Variants in CYFIP1 observed in about 807,000 individuals in gnomAD.
CYFIP1 encodes the protein cytoplasmic FMR1 interacting protein 1.
In CYFIP1, 58 loss-of-function variants were observed where a neutral mutation model predicts 163.5. The observed-to-expected ratio is 0.35, with a 90% CI of 0.29 to 0.44. CYFIP1 has a LOEUF of 0.44. CYFIP1 is among the 20% of genes least tolerant of loss of function. The pLI, the probability that CYFIP1 is intolerant of heterozygous loss-of-function variation, is 1.00. For missense variants in CYFIP1, 1,338 were observed against 1,653.8 expected, an observed-to-expected ratio of 0.81 and a Z score of 3.31; for synonymous variants, 663 against 660.7, an observed-to-expected ratio of 1.00 and a Z score of -0.05.
At chr15:22,910,303 A>G (rs1300765995) in intron 20 of CYFIP1, among the ~76,000 whole-genome samples, 1 of 152,118 alleles carries the variant, frequency 6.6e-6, no homozygotes, top group Non-Finnish European at 1.5e-5. Context: ...CTGGGACTAC[A>G]GGAACCCACC....
chr15:22,869,845 C>A lies in CYFIP1; in HGVS notation c.*183G>T, dbSNP rs1208192613. The A allele has an allele frequency of 4.1e-6, 2 of 484,920 alleles. No homozygotes were observed. Among genetic ancestry groups the A allele is most frequent in the Non-Finnish European group, 6.7e-6 (2 of 296,926 alleles). 30.0% of individuals were successfully genotyped at this position (484,920 alleles called of 1,614,324 possible). On this transcript the variant is annotated 3_prime_UTR_variant, in exon 31 of 31. Transcript: ENST00000617928. ...CAATATTCTCAAGAGTTCCTAATTA[C>A]CAAAAGCATATACAATTTTAGTCTA...
chr15:22,883,139 T>G (rs1448666515), intron 23 of CYFIP1, 128 bp from the exon 24 acceptor site: 1 of 1,080,876 alleles, frequency 9.3e-7, no homozygotes, highest in Non-Finnish European at 1.3e-6. Context: ...ACTTGTAAAA[T>G]CTACTGCCCT....
chr15:22,944,471 G>C, intron 5 of CYFIP1, 87 bp downstream of exon 5: 1 of 860,598 alleles, frequency 1.2e-6, no homozygotes, highest in Non-Finnish European at 1.9e-6. Context: ...CTCTGTTCAG[G>C]GTGTTCACAG....
In CYFIP1 at chr15:22,918,417, G is replaced by A. The variant is rs911897472; in HGVS notation, c.1526+275C>T. ...TGCAGAGACCCCCATAAGGCACCAT[G>A]CATGAACCACAGGCACCGCGAGCCT... On this transcript the variant is annotated intron_variant, in intron 14 of 30. Coordinates refer to ENST00000617928, the MANE Select transcript of CYFIP1 (RefSeq NM_014608.6). 8.5e-5 allele frequency among the ~76,000 whole-genome samples: 13 copies of A among 152,122 alleles called. No homozygotes were observed. The South Asian group carries it at 1.2e-3, about 15-fold the overall frequency.
chr15:22,948,463 T>C (rs1714084588), intron 1 of CYFIP1, among the ~76,000 whole-genome samples: 1 of 152,150 alleles, frequency 6.6e-6, no homozygotes, highest in African/African-American at 2.4e-5. Context: ...CTCAGGGTGT[T>C]TGCTTTCTAA....
rs1013919424 is a variant in CYFIP1 at position 22,976,167 on chromosome 15, T to A, written c.-7+4120A>T. Among the ~76,000 whole-genome samples, 14 of 152,232 alleles carry A rather than the reference T, an allele frequency of 9.2e-5. No homozygotes were observed. In the East Asian group the frequency reaches 2.7e-3, roughly 29 times the overall value. ...GTGTTTTTAAATTTAATTTTCTTTT[T>A]TTTTTTTTGAGACGGAGTCTCGCTC... On this transcript the variant is annotated intron_variant, in intron 1 of 30. Transcript: ENST00000617928.
At chr15:22,923,942 C>CAAAAAAAAAAAA (rs916058496) in intron 13 of CYFIP1, among the ~76,000 whole-genome samples, 1 of 61,812 alleles carries the variant, frequency 1.6e-5, no homozygotes, top group Non-Finnish European at 2.8e-5. Flanking sequence ...ACCTTGTCTC[C>CAAAAAAAAAAAA]AAAAAAAAAA....
rs2059163428 is a variant in CYFIP1, at chr15:22,867,294, T to C, written c.*2734A>G. ...CTGTGATTTACCTTACCTACAAAAG[T>C]GGCTCCTGTTTGTTTGATGATGATT... On this transcript the variant is annotated 3_prime_UTR_variant, in exon 31 of 31. Coordinates refer to ENST00000617928, the MANE Select transcript of CYFIP1 (RefSeq NM_014608.6). The C allele has an allele frequency of 2.5e-6, 1 of 398,400 alleles. No homozygotes were observed. Among genetic ancestry groups the C allele is most frequent in the South Asian group, 1.3e-4 (1 of 7,860 alleles). 24.7% of individuals were successfully genotyped at this position (398,400 alleles called of 1,614,324 possible).
intron 1 of CYFIP1, among the ~76,000 whole-genome samples, chr15:22,976,974 C>T (rs1306451448): frequency 2.0e-5 from 3 of 152,008 alleles, no homozygotes; most frequent in African/African-American, 7.3e-5. Flanking sequence ...CCGAGGCAGG[C>T]GGATCACCTG....
Position 22,927,483 on chromosome 15 carries a change from CAAAAAAA to C in CYFIP1, c.1233+416_1233+422del, listed in dbSNP as rs1188331935. 5.0e-4 allele frequency among the ~76,000 whole-genome samples: 29 copies of C among 57,492 alleles called. 1 individual carries two copies. In the East Asian group the frequency reaches 8.7e-3, roughly 17 times the overall value. The allele number at this position is 57,492 out of a possible 152,430, so 37.7% of individuals were successfully genotyped here. ...GGGCAACAAGAGCGAAACTCCGTCTCAAAAAAAAAAAAAAAAAAAAAAAATTAGCCGG... is the reference window on the plus strand; with the variant it reads ...GGGCAACAAGAGCGAAACTCCGTCTCAAAAAAAAAAAAAAAAATTAGCCGG... On this transcript the variant is annotated intron_variant, in intron 12 of 30. Coordinates refer to ENST00000617928, the MANE Select transcript of CYFIP1 (RefSeq NM_014608.6).
intron 23 of CYFIP1, among the ~76,000 whole-genome samples, chr15:22,887,517 T>A (rs904835261): frequency 6.6e-6 from 1 of 152,172 alleles, no homozygotes; most frequent in Non-Finnish European, 1.5e-5. Flanking sequence ...AATGACCTCA[T>A]GTTACAAGTG....
At chr15:22,888,945 G>A (rs1294651537) in intron 23 of CYFIP1, among the ~76,000 whole-genome samples, 1 of 151,718 alleles carries the variant, frequency 6.6e-6, no homozygotes, top group East Asian at 1.9e-4. Context: ...GGAGGCTGAG[G>A]CACACGAATC....
intron 22 of CYFIP1, among the ~76,000 whole-genome samples, chr15:22,894,212 G>C (rs533395323): frequency 2.0e-5 from 3 of 150,274 alleles, no homozygotes; most frequent in South Asian, 2.1e-4. Flanking sequence ...TGGAAAATCA[G>C]AGTAAAAATC....
chr15:22,883,777 A>T (rs2059849538), intron 23 of CYFIP1, among the ~76,000 whole-genome samples: 1 of 141,962 alleles, frequency 7.0e-6, no homozygotes, highest in Non-Finnish European at 1.5e-5. Context: ...AGATCGCGCC[A>T]CTGCACTCCA....
In CYFIP1 at chr15:22,917,052, G is replaced by A; in HGVS notation, c.1675-422C>T. The stretch of plus-strand genomic sequence containing the variant: ...GAGCTAGACACGGACAGACAGGAGG[G>A]AGAGGCAGGAGAGAGACGTTAGTCA... On this transcript the variant is annotated intron_variant, in intron 15 of 30. Coordinates refer to ENST00000617928, the MANE Select transcript of CYFIP1 (RefSeq NM_014608.6). This position sits in a 1 kb window ranked among gnomAD's most constrained non-coding sequence, Gnocchi z 4.2. The A allele has an allele frequency of 1.3e-6, 2 of 1,513,230 alleles. No homozygotes were observed. The allele number at this position is 1,513,230 out of a possible 1,614,324, so 93.7% of individuals were successfully genotyped here.
chr15:22,882,786 GT>G, intron 24 of CYFIP1, 81 bp downstream of exon 24: 3 of 1,499,270 alleles, frequency 2.0e-6, no homozygotes, highest in Non-Finnish European at 2.7e-6. Flanking sequence ...GAGAATCACA[GT>G]CCAGGCAGAG....
Position 22,903,792 on chromosome 15 carries a change from C to G in CYFIP1, c.2502G>C (p.Ala834=). The change falls in exon 22 of 31, where the codon GCG becomes GCC. Residue 834 remains alanine, a synonymous_variant. Coordinates refer to ENST00000617928, the MANE Select transcript of CYFIP1 (RefSeq NM_014608.6). The part of the protein sequence containing the change: ...MFREANHNVS[A]PYGRITLHVF... ...CGTGCAGGGTGATCCTCCCGTAGGG[C>G]GCTGACACGTTGTGGTTGGCCTCCC... The G allele has an allele frequency of 6.2e-7, 1 of 1,614,214 alleles. No individual in the cohort carries two copies. The highest frequency in any genetic ancestry group is 8.5e-7 in the Non-Finnish European group (1 of 1,180,040).
rs1429104257 is a variant in CYFIP1, at chr15:22,918,656, TGGGCACAGC to T, written c.1526+27_1526+35del. ...GAATCCAAGTTCATCCGAGGACGTG[TGGGCACAGC>T]GGGCACAGGGCGTGGGGAAGGCTGA... is the stretch of plus-strand genomic sequence containing the variant. On this transcript the variant is annotated intron_variant, in intron 14 of 30. Transcript: ENST00000617928. The T allele has an allele frequency of 7.3e-6, 11 of 1,515,756 alleles. No homozygotes were observed. The Admixed American group carries it at 9.1e-5, about 12-fold the overall frequency. The allele number at this position is 1,515,756 out of a possible 1,614,324, so 93.9% of individuals were successfully genotyped here.
At chr15:22,977,234 G>T (rs2063311889) in intron 1 of CYFIP1, among the ~76,000 whole-genome samples, 1 of 151,096 alleles carries the variant, frequency 6.6e-6, no homozygotes, top group South Asian at 2.1e-4. Context: ...CGCCTTCTGT[G>T]TGTTGACTTT....
Sources: gnomAD v4.1 joint callset for allele counts (sites outside exome capture counted in the v4.1 genomes callset) on GRCh38, gnomAD v4.1.1 for gene constraint, Gnocchi (gnomAD v3.1) non-coding constraint, MANE v1.5 for transcripts, NCBI Gene and HGNC (gene_info 2026-07-23, HGNC 2026-07-21) for gene names.